Variants in DPPA4 observed in about 807,000 individuals in gnomAD.
DPPA4 encodes developmental pluripotency-associated protein 4.
DPPA4 carries 22 observed loss-of-function variants against 33.7 expected under a neutral mutation model. That is an observed-to-expected ratio of 0.65 (90% CI 0.47 to 0.93). The LOEUF (loss-of-function observed/expected upper bound fraction) is 0.93, where lower values mean the gene tolerates loss of function less well. Among genes scored for constraint, DPPA4 ranks in the 40% least tolerant of loss-of-function variants. The pLI is 0.00. For synonymous variants in DPPA4, 156 were observed against 132.3 expected (o/e 1.18, Z -1.23); for missense variants, 340 against 358.6 (o/e 0.95, Z 0.42).
intron 1 of DPPA4, chr3:109,336,364 A>G (rs913186075): frequency 6.6e-6 from 1 of 152,060 alleles, no homozygotes; most frequent in African/African-American, 2.4e-5. Context: ...GTTAAAAATG[A>G]CCCAGTTCAA....
chr3:109,328,835 G>A (rs758415570), intron 6 of DPPA4, 55 bp downstream of exon 6: 10 of 1,494,480 alleles, frequency 6.7e-6, no homozygotes, highest in Non-Finnish European at 9.2e-6. Flanking sequence ...TTAACTTTCT[G>A]CAATTGAAAA....
At chr3:109,331,200 C>T (rs1187308523) in intron 4 of DPPA4, among the ~76,000 whole-genome samples, 1 of 123,456 alleles carries the variant, frequency 8.1e-6, no homozygotes, top group Non-Finnish European at 1.6e-5. Context: ...ATCACTTGAA[C>T]CAGGGAGGCA....
rs1435144718 is a variant in DPPA4, at chr3:109,326,158, T to G, written c.*1830A>C. The G allele has an allele frequency of 2.6e-5, 4 of 152,166 alleles. No homozygotes were observed. Among genetic ancestry groups the G allele is most frequent in the Non-Finnish European group, 4.4e-5 (3 of 68,042 alleles). The allele number at this position is 152,166 out of a possible 1,614,324, so 9.4% of individuals were successfully genotyped here. ...TGTCTTACTGGTAGACTCCAATTAT[T>G]AATTTATTTTGTATATAGAGAAATT... On this transcript the variant is annotated 3_prime_UTR_variant, in exon 7 of 7. Transcript: ENST00000335658.
upstream of DPPA4, among the ~76,000 whole-genome samples, chr3:109,339,162 G>T (rs1708266072): frequency 6.6e-6 from 1 of 152,016 alleles, no homozygotes; most frequent in African/African-American, 2.4e-5. Flanking sequence ...TTGCACTCCA[G>T]CCTGGGTGAC....
upstream of DPPA4, among the ~76,000 whole-genome samples, chr3:109,338,917 C>A (rs920639150): frequency 1.3e-5 from 2 of 152,052 alleles, no homozygotes; most frequent in African/African-American, 4.8e-5. Flanking sequence ...CTGGGCTGGG[C>A]ATGGTGGCTC....
chr3:109,333,736 G>C, intron 2 of DPPA4, 134 bp downstream of exon 2: 1 of 1,055,986 alleles, frequency 9.5e-7, no homozygotes, highest in Non-Finnish European at 1.4e-6. Flanking sequence ...AACAGTTTAA[G>C]CTTGGCTTCC....
At chr3:109,339,471 G>A (rs1240799994), upstream of DPPA4, among the ~76,000 whole-genome samples, 1 of 151,998 alleles carries the variant, frequency 6.6e-6, no homozygotes, top group African/African-American at 2.4e-5. Context: ...AGCACATGTT[G>A]GGATCAGAAG....
chr3:109,337,860 A>G (rs946627412), upstream of DPPA4, among the ~76,000 whole-genome samples: 1 of 152,174 alleles, frequency 6.6e-6, no homozygotes, highest in African/African-American at 2.4e-5. Flanking sequence ...GTGGCCAGAG[A>G]CTTGAGCAGG....
chr3:109,331,260 C>CAA (rs10593582), intron 4 of DPPA4, among the ~76,000 whole-genome samples: 955 of 58,318 alleles, frequency 0.016, 61 homozygotes, highest in African/African-American at 0.024. Flanking sequence ...GACTCTGTCT[C>CAA]AAAAAAAAAA....
intron 6 of DPPA4, 89 bp downstream of exon 6, chr3:109,328,801 G>T: frequency 1.7e-6 from 2 of 1,160,898 alleles, no homozygotes; most frequent in South Asian, 1.6e-5. Flanking sequence ...TGAAATACCT[G>T]GCTATTTAAG....
rs577227418 is a variant in DPPA4 at position 109,327,340 on chromosome 3, A to T, written c.*648T>A. The T allele has an allele frequency of 6.6e-6, 1 of 152,316 alleles. No homozygotes were observed. Among genetic ancestry groups the T allele is most frequent in the South Asian group, 2.1e-4 (1 of 4,824 alleles). 9.4% of individuals were successfully genotyped at this position (152,316 alleles called of 1,614,324 possible). A position where few individuals can be genotyped will look rare whatever the true frequency, so the allele number is the denominator to read the frequency against. On this transcript the variant is annotated 3_prime_UTR_variant, in exon 7 of 7. Coordinates refer to ENST00000335658, the MANE Select transcript of DPPA4 (RefSeq NM_018189.4). Reference sequence around the variant, plus strand: ...ACAAGAGCCAACTACCATTTTACTCAAGTCCATCACAATGCTTAGCTGAAG... The same window carrying T: ...ACAAGAGCCAACTACCATTTTACTCTAGTCCATCACAATGCTTAGCTGAAG...
intron 1 of DPPA4, among the ~76,000 whole-genome samples, chr3:109,336,615 C>T (rs1387403521): frequency 2.0e-5 from 3 of 152,184 alleles, no homozygotes; most frequent in African/African-American, 7.2e-5. Flanking sequence ...TCAATTACCT[C>T]TTCCTAAAAT....
upstream of DPPA4, among the ~76,000 whole-genome samples, chr3:109,337,781 G>A (rs1385836797): frequency 6.6e-6 from 1 of 152,076 alleles, no homozygotes; most frequent in Non-Finnish European, 1.5e-5. Context: ...CGGAGACATT[G>A]GGAGATTGAG....
intron 5 of DPPA4, chr3:109,329,318 G>A (rs1708004365): frequency 6.3e-6 from 3 of 475,266 alleles, no homozygotes; most frequent in African/African-American, 1.9e-5. Context: ...GGTGGATCAC[G>A]AGGTCAGGAG....
At position 109,329,043 on chromosome 3, in the gene DPPA4, G is replaced by A; in HGVS notation, c.725C>T (p.Thr242Ile). ...AAACTGCAGGTGAACCCAACCATCTGTGTCTGCAGGGAGACTTTTCCCATG... is the reference window on the plus strand; with the variant it reads ...AAACTGCAGGTGAACCCAACCATCTATGTCTGCAGGGAGACTTTTCCCATG... Reference protein sequence around the residue: ...VVHGKSLPADTDGWVHLQFHA... With the variant: ...VVHGKSLPADIDGWVHLQFHA... Residue 242 changes from threonine (T) to isoleucine (I), a missense_variant, in exon 6 of 7, where the codon ACA becomes ATA. Coordinates refer to ENST00000335658, the MANE Select transcript of DPPA4 (RefSeq NM_018189.4). 6.2e-7 allele frequency: 1 copy of A among 1,614,072 alleles called. No homozygotes were observed. The highest frequency in any genetic ancestry group is 8.5e-7 in the Non-Finnish European group (1 of 1,180,024).
In DPPA4 at chr3:109,326,411, G is replaced by A. The variant is rs991600152; in HGVS notation, c.*1577C>T. ...TAATTCTGACCACCAACAACCAACG[G>A]CGGGGGCGGGCAGGAGAGAAGAACA... On this transcript the variant is annotated 3_prime_UTR_variant, in exon 7 of 7. Transcript: ENST00000335658. The A allele has an allele frequency of 2.0e-5, 3 of 151,960 alleles. No homozygotes were observed. The highest frequency in any genetic ancestry group is 4.8e-5 in the African/African-American group (2 of 41,358). The allele number at this position is 151,960 out of a possible 1,614,324, so 9.4% of individuals were successfully genotyped here.
chr3:109,332,930 TA>T (rs1708113213), intron 2 of DPPA4, among the ~76,000 whole-genome samples: 1 of 152,044 alleles, frequency 6.6e-6, no homozygotes, highest in South Asian at 2.1e-4. Flanking sequence ...CGTCTCTACT[TA>T]AAAAATTAGC....
Position 109,329,121 on chromosome 3 carries a change from G to A in DPPA4, c.680-33C>T, listed in dbSNP as rs73850914. The A allele has an allele frequency of 0.012, 19,458 of 1,593,836 alleles. 1,707 individuals carry two copies. The African/African-American group carries it at 0.21, about 17-fold the overall frequency. On this transcript the variant is annotated intron_variant, in intron 5 of 6. Coordinates refer to ENST00000335658, the MANE Select transcript of DPPA4 (RefSeq NM_018189.4). ...TGGCAAAGGAAAGAGACAGGTACCCGCACACCAGGATGACATACTGATGTA... is the reference window on the plus strand; with the variant it reads ...TGGCAAAGGAAAGAGACAGGTACCCACACACCAGGATGACATACTGATGTA...
chr3:109,337,481 T>C lies in DPPA4; in HGVS notation c.37A>G (p.Lys13Glu). 1 of 1,614,076 alleles carries C rather than the reference T, an allele frequency of 6.2e-7. No homozygotes were observed. The highest frequency in any genetic ancestry group is 1.6e-4 in the Middle Eastern group (1 of 6,062). The change falls in exon 1 of 7, where the codon AAG (lysine) becomes GAG (glutamate). Residue 13 changes from lysine (K) to glutamate (E), a missense_variant. By Grantham distance (56) the Lys-to-Glu change is moderately conservative (BLOSUM62 1). Coordinates refer to ENST00000335658, the MANE Select transcript of DPPA4 (RefSeq NM_018189.4). ...RGSASSTSME[K>E]AKGKEWTSTE... ...GTACTGACCTCCTTGCCTTTTGCCT[T>C]CTCCATACTTGTAGAAGAAGCGGAG...
Sources: gnomAD v4.1 joint callset for allele counts (sites outside exome capture counted in the v4.1 genomes callset) on GRCh38, gnomAD v4.1.1 for gene constraint, MANE v1.5 for transcripts, NCBI Gene and HGNC (gene_info 2026-07-23, HGNC 2026-07-21) for gene names.